The following PKD2L2 variants were observed in gnomAD, a reference collection of about 807,000 sequenced individuals.
PKD2L2 encodes polycystin-2-like protein 2.
PKD2L2 carries 67 observed loss-of-function variants against 83.9 expected under a neutral mutation model. The ratio of observed to expected loss-of-function variants is 0.80; its 90% confidence interval spans 0.66 to 0.98. PKD2L2 has a LOEUF of 0.98. Ranked by LOEUF, PKD2L2 falls within the 50% of genes least tolerant of loss-of-function variation. PKD2L2 has a pLI of 0.00. For missense variants in PKD2L2, 632 were observed against 717.2 expected, an observed-to-expected ratio of 0.88 and a Z score of 1.36; for synonymous variants, 223 against 237.8, an observed-to-expected ratio of 0.94 and a Z score of 0.57.
chr5:137,917,942 G>A (rs1295880516), intron 8 of PKD2L2, among the ~76,000 whole-genome samples: 1 of 152,052 alleles, frequency 6.6e-6, no homozygotes, highest in African/African-American at 2.4e-5. Flanking sequence ...TCACATTTTG[G>A]AGCCATTGCA....
At chr5:137,936,940 A>G (rs1581010976) in intron 14 of PKD2L2, among the ~76,000 whole-genome samples, 2 of 152,202 alleles carry the variant, frequency 1.3e-5, no homozygotes, top group African/African-American at 4.8e-5. Context: ...ACTGGTACAA[A>G]GGATTTTATA....
intron 2 of PKD2L2, among the ~76,000 whole-genome samples, chr5:137,891,425 G>A (rs1268580625): frequency 2.0e-5 from 3 of 150,608 alleles, no homozygotes; most frequent in Non-Finnish European, 2.9e-5. Context: ...TGATTGCAAC[G>A]ACTGCACTTC....
intron 5 of PKD2L2, among the ~76,000 whole-genome samples, chr5:137,905,558 C>T (rs1757300552): frequency 6.6e-6 from 1 of 152,110 alleles, no homozygotes; most frequent in African/African-American, 2.4e-5. Context: ...CCTCAAATTG[C>T]CACCAATTCT....
chr5:137,911,072 C>A (rs766584588), intron 8 of PKD2L2, among the ~76,000 whole-genome samples: 2 of 152,154 alleles, frequency 1.3e-5, no homozygotes, highest in Admixed American at 6.5e-5. Context: ...ATCTCCAAAT[C>A]TCTTCATCTT....
At chr5:137,915,957 A>G (rs1235371223) in intron 8 of PKD2L2, among the ~76,000 whole-genome samples, 1 of 152,116 alleles carries the variant, frequency 6.6e-6, no homozygotes, top group Non-Finnish European at 1.5e-5. Flanking sequence ...TAGTGATAAT[A>G]AACTCCTTCA....
Position 137,889,472 on chromosome 5 carries a change from C to A in PKD2L2, c.-20C>A. On this transcript the variant is annotated 5_prime_UTR_variant, in exon 1 of 15. Transcript: ENST00000508883. ...CCGCGGCCTCAGGCGAACGAACGGG[C>A]GGTGTAGTGCAGGTCCGCCATGGCT... 2 of 1,580,954 alleles carry A rather than the reference C, an allele frequency of 1.3e-6. No individual in the cohort carries two copies. Among genetic ancestry groups the A allele is most frequent in the Non-Finnish European group, 1.7e-6 (2 of 1,166,632 alleles).
At chr5:137,891,869 G>C (rs1177488406) in intron 2 of PKD2L2, among the ~76,000 whole-genome samples, 1 of 152,016 alleles carries the variant, frequency 6.6e-6, no homozygotes, top group African/African-American at 2.4e-5. Context: ...GTTTTTAGTA[G>C]AGACAGGGTT....
At chr5:137,940,400 G>A in intron 14 of PKD2L2, 1 of 1,351,356 alleles carries the variant, frequency 7.4e-7, no homozygotes, top group Non-Finnish European at 1.0e-6. Flanking sequence ...TGGAAAAAAA[G>A]ATCCAAAAGT....
At chr5:137,902,928 TTAC>T (rs1757083260) in intron 5 of PKD2L2, among the ~76,000 whole-genome samples, 1 of 152,216 alleles carries the variant, frequency 6.6e-6, no homozygotes, top group Non-Finnish European at 1.5e-5. Flanking sequence ...GGGTTTTTGG[TTAC>T]AACCAAAAGT....
At chr5:137,940,456 A>G in intron 14 of PKD2L2, 1 of 736,616 alleles carries the variant, frequency 1.4e-6, no homozygotes, top group Non-Finnish European at 2.2e-6. Flanking sequence ...GTTCAAATAA[A>G]AAGTTGTTCT....
At chr5:137,908,224 C>G (rs1198651935) in intron 7 of PKD2L2, among the ~76,000 whole-genome samples, 2 of 151,456 alleles carry the variant, frequency 1.3e-5, no homozygotes, top group East Asian at 3.9e-4. Flanking sequence ...TGGGAGGATC[C>G]CTTGAGCCCG....
intron 14 of PKD2L2, 27 bp downstream of exon 14, chr5:137,936,454 G>C: frequency 6.6e-7 from 1 of 1,515,632 alleles, no homozygotes; most frequent in Non-Finnish European, 8.8e-7. Flanking sequence ...CAATCATTGA[G>C]CATTTCTTTT....
intron 11 of PKD2L2, 113 bp from the exon 12 acceptor site, chr5:137,925,762 T>C: frequency 1.8e-6 from 1 of 552,452 alleles, no homozygotes; most frequent in Non-Finnish European, 3.3e-6. Flanking sequence ...ATAATTAGCA[T>C]TATCAGGAAG....
intron 4 of PKD2L2, among the ~76,000 whole-genome samples, chr5:137,897,907 G>C (rs1020365874): frequency 5.3e-5 from 8 of 151,580 alleles, no homozygotes; most frequent in Non-Finnish European, 1.2e-4. Context: ...AGGAATCAAA[G>C]CTTTCTTTTT....
At chr5:137,889,857 C>G (rs900223160) in intron 1 of PKD2L2, 2 of 322,688 alleles carry the variant, frequency 6.2e-6, no homozygotes, top group Admixed American at 9.9e-5. Context: ...GTGTTTTTCC[C>G]CTGTCCAGCA....
At chr5:137,911,516 T>C (rs1348057621) in intron 8 of PKD2L2, among the ~76,000 whole-genome samples, 2 of 152,160 alleles carry the variant, frequency 1.3e-5, no homozygotes, top group African/African-American at 4.8e-5. Context: ...TCATATGATC[T>C]ATTTCCCCCT....
chr5:137,907,060 T>C (rs929090194), intron 6 of PKD2L2, among the ~76,000 whole-genome samples: 2 of 152,208 alleles, frequency 1.3e-5, no homozygotes, highest in East Asian at 3.8e-4. Flanking sequence ...CCAATGTTTC[T>C]GGCTTATACA....
At chr5:137,909,505 GTCTCTGTGGTGTTTAT>G (rs928137235) in intron 8 of PKD2L2, among the ~76,000 whole-genome samples, 9 of 144,980 alleles carry the variant, frequency 6.2e-5, no homozygotes, top group Non-Finnish European at 1.1e-4. Context: ...TGTCCCCCAT[GTCTCTGTGGTGTTTAT>G]TCTCTGGACA....
At position 137,938,862 on chromosome 5, in the gene PKD2L2, T is replaced by C. The variant is rs181324666; in HGVS notation, c.*17+2435T>C. 6.6e-5 allele frequency: 10 copies of C among 152,130 alleles called. No homozygotes were observed. The East Asian group carries it at 7.7e-4, about 12-fold the overall frequency. The allele number at this position is 152,130 out of a possible 1,614,324, so 9.4% of individuals were successfully genotyped here. A position where few individuals can be genotyped will look rare whatever the true frequency, so the allele number is the denominator to read the frequency against. On this transcript the variant is annotated intron_variant, in intron 14 of 14. Transcript: ENST00000508883. Reference sequence around the variant, plus strand: ...GCTAGTTAAGAAAACCATGCATGAGTCATTGCATGCAAAACATGGGTATAG... The same window carrying C: ...GCTAGTTAAGAAAACCATGCATGAGCCATTGCATGCAAAACATGGGTATAG...
Sources: allele counts gnomAD v4.1 joint callset (sites outside exome capture counted in the v4.1 genomes callset), GRCh38; gene constraint gnomAD v4.1.1; transcripts MANE v1.5; gene names NCBI Gene and HGNC (gene_info 2026-07-23, HGNC 2026-07-21).